The following ATXN3 variants were observed in gnomAD, a reference collection of about 807,000 sequenced individuals.
ATXN3 encodes the protein ataxin-3.
A neutral mutation model predicts 58.2 loss-of-function variants in ATXN3; 28 were observed. That is an observed-to-expected ratio of 0.48 (90% CI 0.36 to 0.66). The LOEUF (loss-of-function observed/expected upper bound fraction) is 0.66, where lower values mean the gene tolerates loss of function less well. Among genes scored for constraint, ATXN3 ranks in the 30% least tolerant of loss-of-function variants. The pLI is 0.00. For synonymous variants in ATXN3, 113 were observed against 138.5 expected (o/e 0.82, Z 1.29); for missense variants, 321 against 422.1 (o/e 0.76, Z 2.10).
At position 92,064,381 on chromosome 14, in the gene ATXN3, G is replaced by A; in HGVS notation, c.1025C>T (p.Ala342Val). Residue 342 changes from alanine to valine, a missense_variant, in exon 11 of 11, where the codon GCA (alanine) becomes GTA (valine). This residue lies in a region of ATXN3 where 200 missense variants were observed against 223.2 expected (regional missense o/e 0.90). Coordinates refer to ENST00000644486, the MANE Select transcript of ATXN3 (RefSeq NM_004993.6). ...AGTTTCTAAAGACATGGTCACAGCT[G>A]CCTGAAGCATGTCTTCTTCACTCAT... The part of the protein sequence containing the change: ...DAMSEEDMLQ[A>V]AVTMSLETVR... The A allele has an allele frequency of 1.2e-6, 2 of 1,612,848 alleles. No individual in the cohort carries two copies. The highest frequency in any genetic ancestry group is 1.7e-6 in the Non-Finnish European group (2 of 1,179,288).
intron 9 of ATXN3, among the ~76,000 whole-genome samples, chr14:92,074,413 A>G (rs984364858): frequency 6.6e-6 from 1 of 152,222 alleles, no homozygotes; most frequent in African/African-American, 2.4e-5. Flanking sequence ...GCCATTTGGG[A>G]GATGCCAGTC....
At chr14:92,102,225 A>AGAAG (rs71123316) in intron 1 of ATXN3, among the ~76,000 whole-genome samples, 3 of 151,002 alleles carry the variant, frequency 2.0e-5, no homozygotes, top group South Asian at 2.1e-4. Context: ...AAGAAAAGAA[A>AGAAG]GAAGGAAGGA....
chr14:92,054,104 T>A (rs1011851530), downstream of ATXN3, among the ~76,000 whole-genome samples: 3 of 152,076 alleles, frequency 2.0e-5, no homozygotes, highest in Non-Finnish European at 2.9e-5. Flanking sequence ...CCTGGCTAAT[T>A]TTTGTATTTT....
In ATXN3 at chr14:92,064,134, A is replaced by G; in HGVS notation, c.*186T>C. 2 of 416,470 alleles carry G rather than the reference A, an allele frequency of 4.8e-6. No individual in the cohort carries two copies. The highest frequency in any genetic ancestry group is 4.3e-6 in the Non-Finnish European group (1 of 230,446). 25.8% of individuals were successfully genotyped at this position (416,470 alleles called of 1,614,324 possible). On this transcript the variant is annotated 3_prime_UTR_variant, in exon 11 of 11. Coordinates refer to ENST00000644486, the MANE Select transcript of ATXN3 (RefSeq NM_004993.6). ...TAATTGCTGAATGCCTCTTTGGCTA[A>G]TATTTGGAAGATCATTATTTAGTCC...
chr14:92,076,919 GAC>G (rs1449395779), intron 9 of ATXN3, among the ~76,000 whole-genome samples: 2 of 130,994 alleles, frequency 1.5e-5, no homozygotes, highest in Non-Finnish European at 3.1e-5. Context: ...CAGCCTGGGT[GAC>G]AGAGTGAGAT....
chr14:92,083,533 C>G lies in ATXN3; in HGVS notation c.476-275G>C, dbSNP rs577401229. ...GAGAAATAAATATGTCTGTAAAGGG[C>G]CCTACTAATATAGTACTTGACTGAG... is the stretch of plus-strand genomic sequence containing the variant. On this transcript the variant is annotated intron_variant, in intron 6 of 10. Coordinates refer to ENST00000644486, the MANE Select transcript of ATXN3 (RefSeq NM_004993.6). 1.3e-3 allele frequency: 689 copies of G among 550,598 alleles called. 1 individual carries two copies. The highest frequency in any genetic ancestry group is 1.9e-3 in the Admixed American group (85 of 43,868). The allele number at this position is 550,598 out of a possible 1,614,324, so 34.1% of individuals were successfully genotyped here.
At chr14:92,090,378 A>C (rs2063513412) in intron 5 of ATXN3, 1 of 152,138 alleles carries the variant, frequency 6.6e-6, no homozygotes, top group South Asian at 2.1e-4. Flanking sequence ...TACATGCTGG[A>C]ATTACAGGTG....
intron 6 of ATXN3, among the ~76,000 whole-genome samples, chr14:92,084,162 C>T (rs551829091): frequency 1.3e-5 from 2 of 152,224 alleles, no homozygotes; most frequent in South Asian, 2.1e-4. Context: ...TCATACGAGT[C>T]GATACTCCTT....
chr14:92,048,940 G>C (rs1040171064), intron 1 of ATXN3, among the ~76,000 whole-genome samples: 2 of 152,142 alleles, frequency 1.3e-5, no homozygotes, highest in Non-Finnish European at 2.9e-5. Context: ...GCAGAGACTA[G>C]GGAGGGACCA....
intron 1 of ATXN3, among the ~76,000 whole-genome samples, chr14:92,102,879 T>C (rs2067165503): frequency 6.6e-6 from 1 of 152,222 alleles, no homozygotes; most frequent in South Asian, 2.1e-4. Context: ...AAGTCATTTA[T>C]ACAGAATTTG....
chr14:92,074,191 G>C (rs2059954691), intron 9 of ATXN3, among the ~76,000 whole-genome samples: 1 of 151,070 alleles, frequency 6.6e-6, no homozygotes, highest in East Asian at 2.0e-4. Flanking sequence ...GCTGGGCACA[G>C]TGGCGGGTGC....
upstream of ATXN3, chr14:92,049,950 A>AT (rs2057442407): frequency 6.6e-6 from 1 of 152,212 alleles, no homozygotes; most frequent in African/African-American, 2.4e-5. Flanking sequence ...AGTGCAGAAA[A>AT]TTAGAAGGCA....
chr14:92,080,832 G>T, intron 9 of ATXN3, 133 bp downstream of exon 9: 2 of 799,410 alleles, frequency 2.5e-6, no homozygotes, highest in Non-Finnish European at 4.1e-6. Flanking sequence ...CACCGTGCCC[G>T]TCCTATTTGC....
chr14:92,093,432 T>C (rs921100357), intron 4 of ATXN3, 114 bp from the exon 5 acceptor site: 14 of 649,520 alleles, frequency 2.2e-5, no homozygotes, highest in Non-Finnish European at 3.7e-5. Context: ...TATAGTTAAG[T>C]GTCACTGATG....
rs1015942422 is a variant in ATXN3, at chr14:92,096,030, G to C, written c.234+63C>G. Reference sequence around the variant, plus strand: ...AGGTCGCCTTGTTACAGTGACTATTGAAAGGCTGTGAAACGGTGCCTGGGA... The same window carrying C: ...AGGTCGCCTTGTTACAGTGACTATTCAAAGGCTGTGAAACGGTGCCTGGGA... On this transcript the variant is annotated intron_variant, in intron 3 of 10. Coordinates refer to ENST00000644486, the MANE Select transcript of ATXN3 (RefSeq NM_004993.6). The C allele has an allele frequency of 3.1e-6, 4 of 1,307,244 alleles. No homozygotes were observed. The African/African-American group carries it at 5.8e-5, about 19-fold the overall frequency. The allele number at this position is 1,307,244 out of a possible 1,614,324, so 81.0% of individuals were successfully genotyped here.
At chr14:92,067,197 G>A (rs1020169421) in intron 10 of ATXN3, among the ~76,000 whole-genome samples, 2 of 152,040 alleles carry the variant, frequency 1.3e-5, no homozygotes, top group African/African-American at 4.8e-5. Flanking sequence ...TGCTAATTTC[G>A]AGATCTTCAT....
intron 5 of ATXN3, chr14:92,090,534 CT>C (rs1423192546): frequency 2.0e-5 from 3 of 152,094 alleles, no homozygotes; most frequent in Non-Finnish European, 4.4e-5. Context: ...AATGTTAATA[CT>C]TTTTCCAGCC....
At chr14:92,092,861 T>A (rs982298398) in intron 5 of ATXN3, among the ~76,000 whole-genome samples, 65 of 150,290 alleles carry the variant, frequency 4.3e-4, no homozygotes, top group African/African-American at 1.4e-3. Context: ...TTAAATATAT[T>A]TTTTTTATTT....
chr14:92,093,504 A>G, intron 4 of ATXN3, 186 bp from the exon 5 acceptor site: 2 of 620,996 alleles, frequency 3.2e-6, no homozygotes, highest in Non-Finnish European at 2.8e-6. Context: ...GCTGTGCCAC[A>G]AGATGGCCTC....
Sources: gnomAD v4.1 joint callset for allele counts (sites outside exome capture counted in the v4.1 genomes callset) on GRCh38, gnomAD v4.1.1 for gene constraint, gnomAD v4.1.1 regional missense constraint, MANE v1.5 for transcripts, NCBI Gene and HGNC (gene_info 2026-07-23, HGNC 2026-07-21) for gene names.